CDC37: variants seen among roughly 807,000 people sequenced by gnomAD.
CDC37 encodes the protein cell division cycle 37, HSP90 cochaperone.
A neutral mutation model predicts 46.9 loss-of-function variants in CDC37; 9 were observed. The ratio of observed to expected loss-of-function variants is 0.19; its 90% CI spans 0.12 to 0.33. The LOEUF is 0.33. CDC37 is among the 10% of genes least tolerant of loss of function. The probability of loss-of-function intolerance (pLI) is 1.00; values close to 1 mark genes in which losing one functional copy is unlikely to be tolerated. For synonymous variants in CDC37, 193 were observed against 191.0 expected (o/e 1.01, Z -0.09); for missense variants, 388 against 514.6 (o/e 0.75, Z 2.38).
chr19:10,397,415 C>CTTTTTT (rs933052804), intron 1 of CDC37, among the ~76,000 whole-genome samples: 2 of 86,840 alleles, frequency 2.3e-5, no homozygotes, highest in African/African-American at 5.3e-5. Flanking sequence ...CCAAGCCTGG[C>CTTTTTT]TTTTTTTTTT....
In CDC37 at chr19:10,395,922, G is replaced by A; in HGVS notation, c.378+6C>T. The A allele has an allele frequency of 5.4e-6, 2 of 373,650 alleles. No homozygotes were observed. The highest frequency in any genetic ancestry group is 9.6e-6 in the Non-Finnish European group (2 of 207,980). 23.1% of individuals were successfully genotyped at this position (373,650 alleles called of 1,614,324 possible). On this transcript the variant is annotated splice_donor_region_variant and intron_variant, in intron 2 of 7. Coordinates refer to ENST00000222005, the MANE Select transcript of CDC37 (RefSeq NM_007065.4). The stretch of plus-strand genomic sequence containing the variant: ...GCGCACTGCCCGCCCCGCCCGCCCC[G>A]CACACCTTGCTGAAGCCGTCTTTGC...
chr19:10,400,125 C>T (rs932393346), intron 1 of CDC37, among the ~76,000 whole-genome samples: 32 of 152,060 alleles, frequency 2.1e-4, no homozygotes, highest in African/African-American at 7.2e-4. Context: ...TTGGCGGGGG[C>T]GGCAGCCTGC....
intron 7 of CDC37, among the ~76,000 whole-genome samples, chr19:10,392,300 CTTT>C (rs1244165831): frequency 6.6e-6 from 1 of 152,124 alleles, no homozygotes; most frequent in African/African-American, 2.4e-5. Flanking sequence ...AGTGTGGCTT[CTTT>C]GTTCTAATAA....
intron 7 of CDC37, 105 bp from the exon 8 acceptor site, chr19:10,391,811 T>A (rs1599378722): frequency 1.7e-6 from 2 of 1,190,316 alleles, no homozygotes; most frequent in Non-Finnish European, 2.4e-6. Flanking sequence ...CCTATTGATA[T>A]TTTACCTATT....
chr19:10,394,172 T>C (rs2042474946), intron 5 of CDC37, among the ~76,000 whole-genome samples: 1 of 151,874 alleles, frequency 6.6e-6, no homozygotes, highest in South Asian at 2.1e-4. Flanking sequence ...GCTGAAGCAC[T>C]AGAATTGCTT....
intron 5 of CDC37, 48 bp downstream of exon 5, chr19:10,394,973 T>TTC (rs1259859222): frequency 6.6e-7 from 1 of 1,507,302 alleles, no homozygotes; most frequent in African/African-American, 1.4e-5. Context: ...TGTGGGCTGG[T>TTC]TCCCTGGGGA....
rs771829538 is a variant in CDC37 at position 10,393,480 on chromosome 19, C to T, written c.727-39G>A. The T allele has an allele frequency of 2.7e-5, 42 of 1,575,700 alleles. No homozygotes were observed. Among genetic ancestry groups the T allele is most frequent in the Admixed American group, 5.4e-5 (3 of 55,142 alleles). ...GCAGTGCTCACTGGACCTGGCCCAACGCTCAGGAGGGACTGGGGGGCCCAG... is the reference window on the plus strand; with the variant it reads ...GCAGTGCTCACTGGACCTGGCCCAATGCTCAGGAGGGACTGGGGGGCCCAG... On this transcript the variant is annotated intron_variant, in intron 5 of 7. Transcript: ENST00000222005. This position sits in a 1 kb window ranked among gnomAD's most constrained non-coding sequence, Gnocchi z 4.9.
At chr19:10,394,428 C>A (rs2042476451) in intron 5 of CDC37, among the ~76,000 whole-genome samples, 1 of 152,192 alleles carries the variant, frequency 6.6e-6, no homozygotes, top group Non-Finnish European at 1.5e-5. Context: ...ACAGCTCAAA[C>A]TCCTGAGCTC....
intron 4 of CDC37, 22 bp from the exon 5 acceptor site, chr19:10,395,165 G>T (rs2042480535): frequency 6.2e-7 from 1 of 1,610,272 alleles, no homozygotes; most frequent in African/African-American, 1.3e-5. Flanking sequence ...AACAGGCACA[G>T]CGTCACCAAG....
At chr19:10,401,064 A>G (rs2042516084) in intron 1 of CDC37, among the ~76,000 whole-genome samples, 4 of 152,234 alleles carry the variant, frequency 2.6e-5, no homozygotes, top group Admixed American at 2.0e-4. Flanking sequence ...ATTTGAACCT[A>G]GTCAGGCCTG....
At position 10,393,454 on chromosome 19, in the gene CDC37, G is replaced by A; in HGVS notation, c.727-13C>T. 6.2e-7 allele frequency: 1 copy of A among 1,605,868 alleles called. No homozygotes were observed. The highest frequency in any genetic ancestry group is 8.5e-7 in the Non-Finnish European group (1 of 1,176,438). ...GGCGATCGGCTGTCTATGGGGGTTG[G>A]GCAGTGCTCACTGGACCTGGCCCAA... On this transcript the variant is annotated splice_polypyrimidine_tract_variant and intron_variant, in intron 5 of 7. Transcript: ENST00000222005. The surrounding 1 kb of genome is among the most constrained non-coding windows in gnomAD (Gnocchi z 4.9).
At position 10,396,759 on chromosome 19, in the gene CDC37, T is replaced by C. The variant is rs2042494572; in HGVS notation, c.103-556A>G. Among the ~76,000 whole-genome samples, 1 of 151,992 alleles carries C rather than the reference T, an allele frequency of 6.6e-6. No individual in the cohort carries two copies. The highest frequency in any genetic ancestry group is 1.5e-5 in the Non-Finnish European group (1 of 67,990). Reference sequence around the variant, plus strand: ...CTAATTTTTGTATTTTCAGTAAAGATGGGGTTTGCCATGTTGCCCAGGCTG... The same window carrying C: ...CTAATTTTTGTATTTTCAGTAAAGACGGGGTTTGCCATGTTGCCCAGGCTG... On this transcript the variant is annotated intron_variant, in intron 1 of 7. Coordinates refer to ENST00000222005, the MANE Select transcript of CDC37 (RefSeq NM_007065.4). The surrounding 1 kb of genome is among the most constrained non-coding windows in gnomAD (Gnocchi z 5.9).
rs1374294978 is a variant in CDC37, at chr19:10,398,027, T to G, written c.103-1824A>C. 3.3e-5 allele frequency among the ~76,000 whole-genome samples: 5 copies of G among 152,176 alleles called. No individual in the cohort carries two copies. The highest frequency in any genetic ancestry group is 7.3e-5 in the Non-Finnish European group (5 of 68,032). ...ACCTCTCCTGAACCTCAGTGGAGGC[T>G]GCTCTATCCAGAGCCACTAATCAAA... On this transcript the variant is annotated intron_variant, in intron 1 of 7. Coordinates refer to ENST00000222005, the MANE Select transcript of CDC37 (RefSeq NM_007065.4). This position sits in a 1 kb window ranked among gnomAD's most constrained non-coding sequence, Gnocchi z 4.2.
In CDC37 at chr19:10,395,115, T is replaced by C; in HGVS notation, c.632A>G (p.His211Arg). The change falls in exon 5 of 8, where the codon CAC becomes CGC. Residue 211 changes from histidine (H) to arginine (R), a missense_variant. By Grantham distance (29) the His-to-Arg change is conservative (BLOSUM62 0). Around this residue, in one of 2 missense-constraint regions of CDC37, gnomAD observed 374 missense variants for 467.4 expected, o/e 0.80. Transcript: ENST00000222005. ...GATAAATTGCATGACGATTGTCTGG[T>C]GGGCCACCTGCTCCATGAGTGCACA... ...EKCALMEQVAHQTIVMQFILE... is the reference protein window; with the variant it reads ...EKCALMEQVARQTIVMQFILE... The C allele has an allele frequency of 6.3e-7, 1 of 1,583,494 alleles. No homozygotes were observed.
chr19:10,403,070 T>C (rs2145422413), intron 1 of CDC37, among the ~76,000 whole-genome samples: 1 of 152,144 alleles, frequency 6.6e-6, no homozygotes, highest in South Asian at 2.1e-4. Flanking sequence ...AAATGTTAAC[T>C]GCCGAACAGA....
intron 1 of CDC37, among the ~76,000 whole-genome samples, chr19:10,402,082 G>C (rs534224998): frequency 6.7e-6 from 1 of 149,426 alleles, no homozygotes; most frequent in South Asian, 2.1e-4. Context: ...ACTTGAACCC[G>C]GGAGGCAGAG....
Position 10,396,686 on chromosome 19 carries a change from TCA to T in CDC37, c.103-485_103-484del, listed in dbSNP as rs1427065598. On this transcript the variant is annotated intron_variant, in intron 1 of 7. Transcript: ENST00000222005. This position sits in a 1 kb window ranked among gnomAD's most constrained non-coding sequence, Gnocchi z 5.9. ...CCTGGGCTCAGGCGATCCTCCCACC[TCA>T]GTCTCCCAAGTAGCTGGGACTACAG... Among the ~76,000 whole-genome samples the T allele has an allele frequency of 2.6e-5, 4 of 152,102 alleles. No homozygotes were observed. Among genetic ancestry groups the T allele is most frequent in the Non-Finnish European group, 1.5e-5 (1 of 68,002 alleles).
At chr19:10,394,484 A>T (rs2042476716) in intron 5 of CDC37, among the ~76,000 whole-genome samples, 2 of 151,876 alleles carry the variant, frequency 1.3e-5, no homozygotes, top group South Asian at 4.1e-4. Flanking sequence ...GGACTATAGT[A>T]CTCAGTCACC....
chr19:10,402,823 G>C (rs551805471), intron 1 of CDC37, among the ~76,000 whole-genome samples: 1 of 152,146 alleles, frequency 6.6e-6, no homozygotes, highest in African/African-American at 2.4e-5. Context: ...AGGAATATCA[G>C]AGTAGCACAG....
Sources: gnomAD v4.1 joint callset for allele counts (sites outside exome capture counted in the v4.1 genomes callset) on GRCh38, gnomAD v4.1.1 for gene constraint, gnomAD v4.1.1 regional missense constraint, Gnocchi (gnomAD v3.1) non-coding constraint, MANE v1.5 for transcripts, NCBI Gene and HGNC (gene_info 2026-07-23, HGNC 2026-07-21) for gene names.